Variants in PCTP observed in about 807,000 individuals in gnomAD.
The protein encoded by PCTP is START domain-containing protein 2.
PCTP carries 27 observed loss-of-function variants against 31.0 expected under a neutral mutation model. The ratio of observed to expected loss-of-function variants is 0.87; its 90% CI spans 0.64 to 1.20. The LOEUF (loss-of-function observed/expected upper bound fraction) is 1.20, where lower values mean the gene tolerates loss of function less well. Among genes scored for constraint, PCTP ranks in the 50% most tolerant of loss-of-function variants. PCTP has a pLI of 0.00. For synonymous variants in PCTP, 108 were observed against 101.2 expected (o/e 1.07, Z -0.40); for missense variants, 287 against 268.2 (o/e 1.07, Z -0.49).
chr17:55,794,607 T>C (rs780133955), intron 3 of PCTP, among the ~76,000 whole-genome samples: 1 of 152,062 alleles, frequency 6.6e-6, no homozygotes, highest in South Asian at 2.1e-4. Flanking sequence ...TAAAAGAAGC[T>C]GACAGAATTG....
intron 5 of PCTP, 49 bp from the exon 6 acceptor site, chr17:55,775,986 G>C: frequency 6.2e-7 from 1 of 1,608,602 alleles, no homozygotes; most frequent in Non-Finnish European, 8.5e-7. Flanking sequence ...AAAGAATCAA[G>C]AGTGACCACT....
At chr17:55,824,246 C>T (rs56380395), downstream of PCTP, among the ~76,000 whole-genome samples, 6,416 of 152,028 alleles carry the variant, frequency 0.042, 431 homozygotes, top group African/African-American at 0.14. Flanking sequence ...CAAAGACCTC[C>T]GAGAGTGTAC....
intron 3 of PCTP, among the ~76,000 whole-genome samples, chr17:55,792,252 C>T (rs1244541848): frequency 6.7e-6 from 1 of 148,874 alleles, no homozygotes; most frequent in Non-Finnish European, 1.5e-5. Flanking sequence ...CACATGTATA[C>T]ATATGTAACT....
At chr17:55,766,295 T>C (rs1282577359) in intron 1 of PCTP, among the ~76,000 whole-genome samples, 3 of 151,430 alleles carry the variant, frequency 2.0e-5, no homozygotes, top group Non-Finnish European at 4.4e-5. Context: ...AGTTTTAGGG[T>C]ACATGTGCAC....
In PCTP at chr17:55,776,538, G is replaced by T; in HGVS notation, c.*438G>T. On this transcript the variant is annotated 3_prime_UTR_variant, in exon 6 of 6. Coordinates refer to ENST00000268896, the MANE Select transcript of PCTP (RefSeq NM_021213.4). ...GCGGGCTGGCTCTTTTGCAGCTTGT[G>T]ATTTCTTCCAGCTTGGGAGGGGCTG... is the stretch of plus-strand genomic sequence containing the variant. 8.1e-7 allele frequency: 1 copy of T among 1,232,086 alleles called. No homozygotes were observed. Among genetic ancestry groups the T allele is most frequent in the South Asian group, 4.1e-5 (1 of 24,252 alleles). 76.3% of individuals were successfully genotyped at this position (1,232,086 alleles called of 1,614,324 possible).
At chr17:55,801,031 G>T (rs958619892) in intron 3 of PCTP, among the ~76,000 whole-genome samples, 1 of 152,158 alleles carries the variant, frequency 6.6e-6, no homozygotes, top group Admixed American at 6.5e-5. Flanking sequence ...CCAGATACCA[G>T]CTGGAACTCT....
chr17:55,848,097 A>G, the PCTP span, among the ~76,000 whole-genome samples: 1 of 151,838 alleles, frequency 6.6e-6, no homozygotes, highest in Non-Finnish European at 1.5e-5. Flanking sequence ...TAATTTTTGC[A>G]TTTTCTTAGT....
intron 1 of PCTP, 28 bp downstream of exon 1, chr17:55,751,272 G>A (rs1909687350): frequency 6.5e-7 from 1 of 1,528,204 alleles, no homozygotes. Context: ...GGAGGACCGC[G>A]GGGCCTAGAA....
downstream of PCTP, among the ~76,000 whole-genome samples, chr17:55,827,915 A>G (rs1431393294): frequency 9.2e-5 from 14 of 152,154 alleles, no homozygotes; most frequent in Non-Finnish European, 1.6e-4. Context: ...AGGTCCTGTA[A>G]AACCACTGTT....
chr17:55,751,314 C>G (rs1597965814), intron 1 of PCTP, 70 bp downstream of exon 1: 2 of 1,514,650 alleles, frequency 1.3e-6, no homozygotes, highest in East Asian at 5.0e-5. Context: ...GCAGGGAGTG[C>G]GGGGCGGCAG....
chr17:55,766,891 A>G (rs8077440), intron 1 of PCTP, among the ~76,000 whole-genome samples: 130,716 of 151,908 alleles, frequency 0.86, 58,344 homozygotes, highest in Non-Finnish European at 0.98. Context: ...GTGTAAAAGT[A>G]TTCTTATTTC....
intron 3 of PCTP, among the ~76,000 whole-genome samples, chr17:55,820,288 G>A (rs1266826001): frequency 6.6e-6 from 1 of 152,172 alleles, no homozygotes; most frequent in Non-Finnish European, 1.5e-5. Context: ...GGGCATTCCT[G>A]TTGCTATAAC....
At chr17:55,801,422 C>T (rs1168960503) in intron 3 of PCTP, among the ~76,000 whole-genome samples, 1 of 152,158 alleles carries the variant, frequency 6.6e-6, no homozygotes, top group Non-Finnish European at 1.5e-5. Flanking sequence ...TTCTTCTCAG[C>T]ACCACATCAC....
chr17:55,835,276 T>C (rs1272425184), intron 5 of PCTP, among the ~76,000 whole-genome samples: 1 of 152,198 alleles, frequency 6.6e-6, no homozygotes, highest in Admixed American at 6.5e-5. Flanking sequence ...GACTTCATTA[T>C]GGCAGCAAAC....
At chr17:55,751,592 G>T in intron 1 of PCTP, 3 of 998,378 alleles carry the variant, frequency 3.0e-6, no homozygotes, top group Non-Finnish European at 2.7e-6. Flanking sequence ...TCTCCAATGC[G>T]TGTCAGTGGC....
the PCTP span, among the ~76,000 whole-genome samples, chr17:55,851,572 C>T: frequency 1.1e-4 from 16 of 152,072 alleles, no homozygotes; most frequent in Non-Finnish European, 2.1e-4. Context: ...ACTTGGCTCA[C>T]AAATAATAAT....
chr17:55,764,991 G>A (rs868311089), intron 1 of PCTP, among the ~76,000 whole-genome samples: 1 of 152,148 alleles, frequency 6.6e-6, no homozygotes, highest in Non-Finnish European at 1.5e-5. Context: ...TGTGTGATGG[G>A]GCAACTCTAG....
intron 3 of PCTP, among the ~76,000 whole-genome samples, chr17:55,800,343 C>A (rs928615410): frequency 6.6e-6 from 1 of 151,690 alleles, no homozygotes; most frequent in African/African-American, 2.4e-5. Flanking sequence ...TCTCTGGTAT[C>A]CTTTCTTCTG....
Position 55,792,044 on chromosome 17 carries a change from A to T in PCTP, c.317+4390A>T, listed in dbSNP as rs1172018311. Among the ~76,000 whole-genome samples, 5 of 150,192 alleles carry T rather than the reference A, an allele frequency of 3.3e-5. No individual in the cohort carries two copies. In the East Asian group the frequency reaches 7.8e-4, roughly 24 times the overall value. ...AATTGGAAATCATCATTCTCAGTAA[A>T]CTATCACAAGAACAAAAAACCAAAC... is the stretch of plus-strand genomic sequence containing the variant. On this transcript the variant is annotated intron_variant, in intron 3 of 3. Coordinates refer to the PCTP transcript ENST00000572536.
Sources: allele counts gnomAD v4.1 joint callset (sites outside exome capture counted in the v4.1 genomes callset), GRCh38; gene constraint gnomAD v4.1.1; transcripts MANE v1.5; gene names NCBI Gene and HGNC (gene_info 2026-07-23, HGNC 2026-07-21).